The following SCGB2B2 variants were observed in gnomAD, a reference collection of about 807,000 sequenced individuals.
SCGB2B2 encodes secretoglobin-like protein.
SCGB2B2 carries 11 observed loss-of-function variants against 7.6 expected under a neutral mutation model. That is an observed-to-expected ratio of 1.45 (90% CI 0.91 to 2.40). SCGB2B2 has a LOEUF of 2.40. SCGB2B2 is among the 30% of genes most tolerant of loss of function. The pLI, the probability that SCGB2B2 is intolerant of heterozygous loss-of-function variation, is 0.00. For missense variants in SCGB2B2, 104 were observed against 115.4 expected (o/e 0.90, Z 0.45); for synonymous variants, 50 against 48.6 (o/e 1.03, Z -0.12).
intron 1 of SCGB2B2, among the ~76,000 whole-genome samples, chr19:34,599,540 C>A (rs1291736907): frequency 6.6e-6 from 1 of 152,202 alleles, no homozygotes; most frequent in Non-Finnish European, 1.5e-5. Context: ...ATCAAACCAT[C>A]AGATCTCGTG....
intron 1 of SCGB2B2, among the ~76,000 whole-genome samples, chr19:34,625,521 G>A (rs1277090892): frequency 6.6e-6 from 1 of 152,184 alleles, no homozygotes; most frequent in Non-Finnish European, 1.5e-5. Flanking sequence ...CTCGCTCATT[G>A]CTAGCACAGC....
At chr19:34,628,594 A>G (rs2066443200) in intron 1 of SCGB2B2, among the ~76,000 whole-genome samples, 1 of 151,972 alleles carries the variant, frequency 6.6e-6, no homozygotes, top group Admixed American at 6.6e-5. Context: ...GAATAGACCA[A>G]TAACAGGCTC....
intron 1 of SCGB2B2, among the ~76,000 whole-genome samples, chr19:34,621,999 T>C (rs757582653): frequency 5.3e-5 from 8 of 152,156 alleles, no homozygotes; most frequent in African/African-American, 1.4e-4. Flanking sequence ...AGGAGGTGAT[T>C]ATCTGTTGGC....
At chr19:34,619,625 G>C (rs1008547776) in intron 1 of SCGB2B2, among the ~76,000 whole-genome samples, 6 of 152,102 alleles carry the variant, frequency 3.9e-5, no homozygotes, top group Middle Eastern at 3.2e-3. Context: ...TCCACAAAGA[G>C]GAAAGGAAGC....
intron 1 of SCGB2B2, among the ~76,000 whole-genome samples, chr19:34,649,062 C>A (rs1380929281): frequency 6.6e-6 from 1 of 152,084 alleles, no homozygotes; most frequent in Non-Finnish European, 1.5e-5. Context: ...GCCACCACAC[C>A]CAGCTGATTT....
At chr19:34,629,878 A>C (rs1185277194) in intron 1 of SCGB2B2, among the ~76,000 whole-genome samples, 1 of 151,968 alleles carries the variant, frequency 6.6e-6, no homozygotes, top group Non-Finnish European at 1.5e-5. Context: ...ACAAGGCTAC[A>C]TAACCAAAAC....
chr19:34,592,206 T>C lies in SCGB2B2; in HGVS notation c.*1349A>G, dbSNP rs918043872. Among the ~76,000 whole-genome samples the C allele has an allele frequency of 6.7e-6, 1 of 149,428 alleles. No individual in the cohort carries two copies. Among genetic ancestry groups the C allele is most frequent in the African/African-American group, 2.5e-5 (1 of 40,320 alleles). On this transcript the variant is annotated 3_prime_UTR_variant, in exon 4 of 4. Coordinates refer to ENST00000601241, the MANE Select transcript of SCGB2B2 (RefSeq NM_001025591.4). ...GAAAGGGCATTTTGGGCAGTGGGAGTGAGGGAGGAGAAGAATGTTGAAAGG... is the reference window on the plus strand; with the variant it reads ...GAAAGGGCATTTTGGGCAGTGGGAGCGAGGGAGGAGAAGAATGTTGAAAGG...
chr19:34,610,290 T>A (rs1305602943), intron 1 of SCGB2B2, among the ~76,000 whole-genome samples: 2 of 152,134 alleles, frequency 1.3e-5, no homozygotes, highest in Non-Finnish European at 2.9e-5. Flanking sequence ...CCAGGCTGTA[T>A]GCTCTTTATT....
At chr19:34,631,495 C>T (rs2066534167) in intron 1 of SCGB2B2, among the ~76,000 whole-genome samples, 1 of 151,930 alleles carries the variant, frequency 6.6e-6, no homozygotes. Context: ...CTAACAATGA[C>T]TAATTTAAAA....
intron 1 of SCGB2B2, among the ~76,000 whole-genome samples, chr19:34,612,872 C>T (rs1417865701): frequency 6.6e-6 from 1 of 152,112 alleles, no homozygotes; most frequent in Non-Finnish European, 1.5e-5. Context: ...AATTGTCATA[C>T]CCTCTTGGTA....
Position 34,594,340 on chromosome 19 carries a change from G to C in SCGB2B2, c.81C>G (p.Ile27Met). The change falls in exon 3 of 4, where the codon ATC becomes ATG. Residue 27 changes from isoleucine (I) to methionine (M), a missense_variant. By Grantham distance (10) the Ile-to-Met change is conservative. Coordinates refer to ENST00000601241, the MANE Select transcript of SCGB2B2 (RefSeq NM_001025591.4). ...ACACAACATTCGCAAGCAGTTTATC[G>C]ATATCCAGGCAGGCATCCCCTGTGG... ...SVQLGDACLD[I>M]DKLLANVVFD... 6.2e-7 allele frequency: 1 copy of C among 1,614,006 alleles called. No individual in the cohort carries two copies. Among genetic ancestry groups the C allele is most frequent in the Non-Finnish European group, 8.5e-7 (1 of 1,179,944 alleles).
chr19:34,606,177 T>C (rs2065773240), intron 1 of SCGB2B2, among the ~76,000 whole-genome samples: 2 of 152,246 alleles, frequency 1.3e-5, no homozygotes, highest in East Asian at 1.9e-4. Context: ...GCCAGCTTTA[T>C]TGGCATAATT....
At chr19:34,635,452 G>T in intron 1 of SCGB2B2, 2 of 299,574 alleles carry the variant, frequency 6.7e-6, no homozygotes, top group South Asian at 4.1e-5. Flanking sequence ...TCTCCAGCGT[G>T]AACTTTCTTG....
chr19:34,606,461 A>T (rs2065779962), intron 1 of SCGB2B2, among the ~76,000 whole-genome samples: 1 of 151,920 alleles, frequency 6.6e-6, no homozygotes, highest in East Asian at 1.9e-4. Flanking sequence ...TTGAGTAAAA[A>T]GGGAGAGCAG....
chr19:34,619,271 G>T (rs421755), intron 1 of SCGB2B2, among the ~76,000 whole-genome samples: 75,334 of 152,008 alleles, frequency 0.5, 19,463 homozygotes, highest in African/African-American at 0.63. Flanking sequence ...GAGAGTGGGG[G>T]CTTTAAAACA....
intron 1 of SCGB2B2, among the ~76,000 whole-genome samples, chr19:34,598,138 G>C (rs947881700): frequency 6.6e-6 from 1 of 152,170 alleles, no homozygotes; most frequent in Non-Finnish European, 1.5e-5. Context: ...AGGCTGACTC[G>C]GGGCTAGGAA....
chr19:34,596,831 T>C lies in SCGB2B2; in HGVS notation c.-2031-237A>G, dbSNP rs184730686. ...GGGGCTGAGCAGCAGAGTCAGGGAATAGAGGACCTGGGAGCAGAGGGCCGC... is the reference window on the plus strand; with the variant it reads ...GGGGCTGAGCAGCAGAGTCAGGGAACAGAGGACCTGGGAGCAGAGGGCCGC... On this transcript the variant is annotated intron_variant, in intron 1 of 3. Transcript: ENST00000601241. Among the ~76,000 whole-genome samples the C allele has an allele frequency of 5.0e-3, 755 of 151,936 alleles. 8 individuals carry two copies. Among genetic ancestry groups the C allele is most frequent in the African/African-American group, 0.017 (721 of 41,450 alleles).
chr19:34,625,154 C>T (rs763002235), intron 1 of SCGB2B2, among the ~76,000 whole-genome samples: 3 of 152,094 alleles, frequency 2.0e-5, no homozygotes, highest in Non-Finnish European at 2.9e-5. Context: ...CCAAGATGGC[C>T]GAATAAGAAC....
intron 1 of SCGB2B2, among the ~76,000 whole-genome samples, chr19:34,609,795 G>A (rs1291270780): frequency 6.6e-6 from 1 of 151,954 alleles, no homozygotes; most frequent in Non-Finnish European, 1.5e-5. Context: ...GGGTTGCTTT[G>A]GTTATTTGGA....
Sources: gnomAD v4.1 joint callset for allele counts (sites outside exome capture counted in the v4.1 genomes callset) on GRCh38, gnomAD v4.1.1 for gene constraint, MANE v1.5 for transcripts, NCBI Gene and HGNC (gene_info 2026-07-23, HGNC 2026-07-21) for gene names.